Variants in BHMT2 observed in about 807,000 individuals in gnomAD.
BHMT2 encodes betaine--homocysteine S-methyltransferase 2, also known as S-methylmethionine--homocysteine S-methyltransferase BHMT2.
In BHMT2, 28 loss-of-function variants were observed where a neutral mutation model predicts 39.0. The observed-to-expected ratio is 0.72, with a 90% CI of 0.53 to 0.98. BHMT2 has a LOEUF of 0.98. Ranked by LOEUF, BHMT2 falls within the 50% of genes least tolerant of loss-of-function variation. The probability of loss-of-function intolerance (pLI) is 0.00; values close to 1 mark genes in which losing one functional copy is unlikely to be tolerated. For missense variants in BHMT2, 410 were observed against 455.6 expected, an observed-to-expected ratio of 0.90 and a Z score of 0.91; for synonymous variants, 145 against 160.6, an observed-to-expected ratio of 0.90 and a Z score of 0.74.
chr5:79,080,130 G>A (rs919389571), intron 3 of BHMT2, among the ~76,000 whole-genome samples: 8 of 152,156 alleles, frequency 5.3e-5, no homozygotes, highest in Non-Finnish European at 8.8e-5. Flanking sequence ...GAGAAAAAAC[G>A]GGTTTGATAT....
chr5:79,088,507 A>C lies in BHMT2; in HGVS notation c.1025A>C (p.Tyr342Ser). The C allele has an allele frequency of 6.2e-7, 1 of 1,614,018 alleles. No homozygotes were observed. The highest frequency in any genetic ancestry group is 2.2e-5 in the East Asian group (1 of 44,872). ...PWIRARARRE[Y>S]WENLLPASGR... The stretch of plus-strand genomic sequence containing the variant: ...TTGAAACACAGGGCTCGAAGGGAGT[A>C]TTGGGAGAATCTGCTGCCAGCTTCA... Residue 342 changes from tyrosine (Y) to serine (S), a missense_variant, in exon 8 of 8, where the codon TAT (tyrosine) becomes TCT (serine). Coordinates refer to ENST00000255192, the MANE Select transcript of BHMT2 (RefSeq NM_017614.5).
Position 79,071,213 on chromosome 5 carries a change from C to G in BHMT2, c.33+1398C>G, listed in dbSNP as rs1036918823. The G allele has an allele frequency of 3.9e-5, 6 of 152,318 alleles. 1 individual carries two copies. Among genetic ancestry groups the G allele is most frequent in the Admixed American group, 3.9e-4 (6 of 15,298 alleles). 9.4% of individuals were successfully genotyped at this position (152,318 alleles called of 1,614,324 possible). A position where few individuals can be genotyped will look rare whatever the true frequency, so the allele number is the denominator to read the frequency against. On this transcript the variant is annotated intron_variant, in intron 1 of 7. Coordinates refer to ENST00000255192, the MANE Select transcript of BHMT2 (RefSeq NM_017614.5). ...TAATCTCACCTCTCTCCTCAGCTAG[C>G]AGGTACATTTTAAGAATTCATTTAA...
At chr5:79,083,109 T>C in intron 5 of BHMT2, 83 bp from the exon 6 acceptor site, 2 of 1,583,926 alleles carry the variant, frequency 1.3e-6, no homozygotes, top group South Asian at 2.3e-5. Flanking sequence ...GGGGAATGGC[T>C]AACCTCTAAG....
chr5:79,073,804 G>A (rs1442393894), intron 1 of BHMT2, among the ~76,000 whole-genome samples: 1 of 152,152 alleles, frequency 6.6e-6, no homozygotes, highest in South Asian at 2.1e-4. Context: ...AGATGCTGTA[G>A]GTAGAGTGAC....
chr5:79,070,219 C>A (rs377418709), intron 1 of BHMT2, among the ~76,000 whole-genome samples: 6 of 152,194 alleles, frequency 3.9e-5, no homozygotes, highest in East Asian at 3.9e-4. Flanking sequence ...GCTCTTTGGG[C>A]TAATCCGTCC....
chr5:79,076,740 C>T (rs773699223), intron 1 of BHMT2, among the ~76,000 whole-genome samples: 2 of 152,340 alleles, frequency 1.3e-5, no homozygotes, highest in Non-Finnish European at 2.9e-5. Context: ...TGATAAGACA[C>T]GTGTGAACAC....
intron 1 of BHMT2, among the ~76,000 whole-genome samples, chr5:79,072,965 C>CTTTTT (rs10626697): frequency 1.5e-5 from 2 of 137,692 alleles, no homozygotes; most frequent in Non-Finnish European, 1.5e-5. Context: ...AAATTTGATT[C>CTTTTT]TTTTTTTTTT....
intron 7 of BHMT2, among the ~76,000 whole-genome samples, chr5:79,084,307 G>C (rs1360335104): frequency 2.6e-5 from 4 of 151,978 alleles, no homozygotes; most frequent in Non-Finnish European, 1.5e-5. Flanking sequence ...GATGGAGTCT[G>C]GCTCTGTTGT....
At chr5:79,082,096 T>G (rs1207247377) in intron 4 of BHMT2, among the ~76,000 whole-genome samples, 1 of 152,230 alleles carries the variant, frequency 6.6e-6, no homozygotes, top group Non-Finnish European at 1.5e-5. Flanking sequence ...ACACTGCTTC[T>G]GCAGAATTTG....
intron 1 of BHMT2, chr5:79,071,220 A>C (rs1755561878): frequency 6.6e-6 from 1 of 152,234 alleles, no homozygotes; most frequent in African/African-American, 2.4e-5. Flanking sequence ...TAGCAGGTAC[A>C]TTTTAAGAAT....
At chr5:79,070,450 G>A (rs1005121623) in intron 1 of BHMT2, among the ~76,000 whole-genome samples, 3 of 152,194 alleles carry the variant, frequency 2.0e-5, no homozygotes, top group Non-Finnish European at 4.4e-5. Flanking sequence ...CTGGTCACCA[G>A]ATGTTGGCTT....
At position 79,083,275 on chromosome 5, in the gene BHMT2, TG is replaced by T; in HGVS notation, c.685del (p.Ala229GlnfsTer3). ...TMELMKEGLE[W>X]AGLKAHLMVQ... is the part of the protein sequence containing the mutation. ...GGAGCTCATGAAGGAGGGTCTTGAG[TG>T]GGCAGGGCTGAAAGCGCACCTCATG... is the stretch of plus-strand genomic sequence containing the variant. On this transcript the variant is annotated frameshift_variant, in exon 6 of 8. Transcript: ENST00000255192. LOFTEE classifies it high-confidence loss of function. 1.2e-6 allele frequency: 2 copies of T among 1,614,008 alleles called. No homozygotes were observed. The highest frequency in any genetic ancestry group is 8.5e-7 in the Non-Finnish European group (1 of 1,179,982).
chr5:79,070,232 G>T (rs1755533597), intron 1 of BHMT2, among the ~76,000 whole-genome samples: 1 of 152,190 alleles, frequency 6.6e-6, no homozygotes, highest in African/African-American at 2.4e-5. Context: ...ATCCGTCCGG[G>T]AACTCTTCGG....
In BHMT2 at chr5:79,083,711, G is replaced by A. The variant is rs765882378; in HGVS notation, c.865G>A (p.Gly289Arg). ...CAACCTGGGGGTCAGGTACATTGGC[G>A]GGTGCTGTGGATTTGAGCCCTACCA... ...AYNLGVRYIG[G>R]CCGFEPYHIR... The change falls in exon 7 of 8, where the codon GGG (glycine) becomes AGG (arginine). Residue 289 changes from glycine to arginine, a missense_variant. Gly to Arg is a moderately radical substitution (Grantham distance 125). Transcript: ENST00000255192. 4.8e-5 allele frequency: 78 copies of A among 1,613,968 alleles called. No individual in the cohort carries two copies. Among genetic ancestry groups the A allele is most frequent in the East Asian group, 3.1e-4 (14 of 44,874 alleles).
Position 79,088,536 on chromosome 5 carries a change from A to G in BHMT2, c.1054A>G (p.Arg352Gly). 6.2e-7 allele frequency: 1 copy of G among 1,614,210 alleles called. No individual in the cohort carries two copies. The highest frequency in any genetic ancestry group is 1.1e-5 in the South Asian group (1 of 91,086). Residue 352 changes from arginine (R) to glycine (G), a missense_variant, in exon 8 of 8, where the codon AGA becomes GGA. Coordinates refer to ENST00000255192, the MANE Select transcript of BHMT2 (RefSeq NM_017614.5). ...GGAGAATCTGCTGCCAGCTTCAGGC[A>G]GACCTTTCTGTCCTTCGCTGTCAAA... ...YWENLLPASG[R>G]PFCPSLSKPD...
At chr5:79,082,696 G>A in intron 4 of BHMT2, 113 bp from the exon 5 acceptor site, 1 of 1,251,122 alleles carries the variant, frequency 8.0e-7, no homozygotes, top group Non-Finnish European at 1.1e-6. Context: ...GTTTTATTAT[G>A]CATATGTTTA....
In BHMT2 at chr5:79,085,524, T is replaced by C. The variant is rs575711559; in HGVS notation, c.1010+1668T>C. ...GGCAAAACTTCATCTCTACTAAAAATACAAAAGTTAGCCTGGCGTGGTGGC... is the reference window on the plus strand; with the variant it reads ...GGCAAAACTTCATCTCTACTAAAAACACAAAAGTTAGCCTGGCGTGGTGGC... On this transcript the variant is annotated intron_variant, in intron 7 of 7. Transcript: ENST00000255192. 8.5e-5 allele frequency among the ~76,000 whole-genome samples: 13 copies of C among 152,248 alleles called. 1 individual carries two copies. The highest frequency in any genetic ancestry group is 3.1e-4 in the African/African-American group (13 of 41,564).
chr5:79,083,266 G>A lies in BHMT2; in HGVS notation c.673G>A (p.Gly225Ser), dbSNP rs1356031473. 4 of 1,614,194 alleles carry A rather than the reference G, an allele frequency of 2.5e-6. No individual in the cohort carries two copies. In the Admixed American group the frequency reaches 6.7e-5, roughly 27 times the overall value. The change falls in exon 6 of 8, where the codon GGT becomes AGT. Residue 225 changes from glycine to serine, a missense_variant. Physicochemically the swap from Gly to Ser is moderately conservative, Grantham distance 56. Coordinates refer to ENST00000255192, the MANE Select transcript of BHMT2 (RefSeq NM_017614.5). ...SLKTMELMKE[G>S]LEWAGLKAHL... ...GAAGACGATGGAGCTCATGAAGGAG[G>A]GTCTTGAGTGGGCAGGGCTGAAAGC...
rs552049883 is a variant in BHMT2, at chr5:79,078,734, G to A, written c.167-635G>A. ...AGCAGGACCAAGTTTTGTTCCTTTG[G>A]TGCTTAACAGGATGTTTTCATCTGG... On this transcript the variant is annotated intron_variant, in intron 2 of 7. Coordinates refer to ENST00000255192, the MANE Select transcript of BHMT2 (RefSeq NM_017614.5). Among the ~76,000 whole-genome samples, 43 of 152,356 alleles carry A rather than the reference G, an allele frequency of 2.8e-4. No homozygotes were observed. The South Asian group carries it at 7.9e-3, about 28-fold the overall frequency.
Sources: allele counts gnomAD v4.1 joint callset (sites outside exome capture counted in the v4.1 genomes callset), GRCh38; gene constraint gnomAD v4.1.1; transcripts MANE v1.5; gene names NCBI Gene and HGNC (gene_info 2026-07-23, HGNC 2026-07-21).